Variants in UPB1 observed in about 807,000 individuals in gnomAD.
The protein encoded by UPB1 is beta-ureidopropionase 1, also known as beta-ureidopropionase.
A neutral mutation model predicts 49.1 loss-of-function variants in UPB1; 40 were observed. That is an observed-to-expected ratio of 0.81 (90% CI 0.63 to 1.06). The LOEUF is 1.06. Ranked by LOEUF, UPB1 falls within the 50% of genes least tolerant of loss-of-function variation. UPB1 has a pLI of 0.00. For missense variants in UPB1, 499 were observed against 505.9 expected, an observed-to-expected ratio of 0.99 and a Z score of 0.13; for synonymous variants, 207 against 198.2, an observed-to-expected ratio of 1.04 and a Z score of -0.38.
Position 24,520,460 on chromosome 22 carries a change from G to A in UPB1, c.865G>A (p.Val289Met). 3 of 1,613,888 alleles carry A rather than the reference G, an allele frequency of 1.9e-6. No individual in the cohort carries two copies. Among genetic ancestry groups the A allele is most frequent in the South Asian group, 1.1e-5 (1 of 91,050 alleles). ...NHCFTCAINR[V>M]GTEHFPNEFT... ...CTGCTTCACCTGCGCCATCAATCGA[G>A]TGGGCACCGTAAGTCCCGAGGTCTG... Residue 289 changes from valine to methionine, a missense_variant, in exon 7 of 10, where the codon GTG becomes ATG. Coordinates refer to ENST00000326010, the MANE Select transcript of UPB1 (RefSeq NM_016327.3).
At chr22:24,516,967 A>C (rs532441333) in intron 6 of UPB1, among the ~76,000 whole-genome samples, 1 of 152,054 alleles carries the variant, frequency 6.6e-6, no homozygotes, top group Non-Finnish European at 1.5e-5. Flanking sequence ...CTTGTGATCC[A>C]CCCACCTTGG....
In UPB1 at chr22:24,513,281, T is replaced by C. The variant is rs770965483; in HGVS notation, c.460-43T>C. On this transcript the variant is annotated intron_variant, in intron 4 of 9. Coordinates refer to ENST00000326010, the MANE Select transcript of UPB1 (RefSeq NM_016327.3). ...CTTCTTTGATAAAAAACTACAACAA[T>C]TGGTTTATAAGTGGGACTCTGCCAT... The C allele has an allele frequency of 8.7e-6, 14 of 1,613,692 alleles. No individual in the cohort carries two copies. The East Asian group carries it at 2.9e-4, about 33-fold the overall frequency.
intron 3 of UPB1, among the ~76,000 whole-genome samples, chr22:24,504,905 T>A (rs1397885906): frequency 2.1e-5 from 1 of 47,432 alleles, no homozygotes; most frequent in Non-Finnish European, 5.1e-5. Flanking sequence ...TTTTCTTGAA[T>A]TTTTTTTTTT....
At chr22:24,510,707 T>A (rs2044183078) in intron 3 of UPB1, 42 bp from the exon 4 acceptor site, 1 of 1,598,410 alleles carries the variant, frequency 6.3e-7, no homozygotes, top group Non-Finnish European at 8.6e-7. Flanking sequence ...CCTCAGAGGC[T>A]GTGCATGTTG....
chr22:24,504,848 C>T (rs1490119712), intron 3 of UPB1, among the ~76,000 whole-genome samples: 1 of 151,144 alleles, frequency 6.6e-6, no homozygotes, highest in Non-Finnish European at 1.5e-5. Context: ...CCGCCCCAGC[C>T]TCCTGAGTAG....
At chr22:24,507,401 G>A (rs1191394641) in intron 3 of UPB1, among the ~76,000 whole-genome samples, 1 of 152,088 alleles carries the variant, frequency 6.6e-6, no homozygotes, top group Non-Finnish European at 1.5e-5. Flanking sequence ...GATATTTACT[G>A]TGGTACTCTC....
intron 7 of UPB1, 56 bp from the exon 8 acceptor site, chr22:24,521,930 T>G: frequency 2.4e-4 from 385 of 1,578,116 alleles, no homozygotes; most frequent in Non-Finnish European, 3.1e-4. Flanking sequence ...TGAGCTGGAA[T>G]GAGTGTAGTG....
chr22:24,520,358 A>G (rs2044365793), intron 6 of UPB1, 29 bp from the exon 7 acceptor site: 1 of 1,613,456 alleles, frequency 6.2e-7, no homozygotes, highest in Non-Finnish European at 8.5e-7. Flanking sequence ...AAAGTCGGCA[A>G]CCTGGTTCCT....
intron 3 of UPB1, chr22:24,502,449 T>G (rs1364419944): frequency 1.3e-6 from 1 of 781,718 alleles, no homozygotes; most frequent in South Asian, 1.3e-5. Flanking sequence ...CCTCTCCATC[T>G]CTCTACCACC....
Position 24,526,044 on chromosome 22 carries a change from C to G in UPB1, c.*250C>G. On this transcript the variant is annotated 3_prime_UTR_variant, in exon 10 of 10. Transcript: ENST00000326010. ...TACTAAATGCCACTGAATTTGTATA[C>G]TTCAGAATGTTTGTTATGTAAATTT... The G allele has an allele frequency of 1.9e-6, 1 of 519,686 alleles. No individual in the cohort carries two copies. 32.2% of individuals were successfully genotyped at this position (519,686 alleles called of 1,614,324 possible).
chr22:24,504,819 C>T (rs1288870879), intron 3 of UPB1, among the ~76,000 whole-genome samples: 1 of 150,656 alleles, frequency 6.6e-6, no homozygotes, highest in Non-Finnish European at 1.5e-5. Flanking sequence ...CCTTGACCTC[C>T]CAGGATCAAG....
At chr22:24,521,782 C>G (rs1242645361) in intron 7 of UPB1, among the ~76,000 whole-genome samples, 1 of 152,236 alleles carries the variant, frequency 6.6e-6, no homozygotes, top group African/African-American at 2.4e-5. Context: ...AAATTCCCCT[C>G]TGGCCCAGGG....
intron 1 of UPB1, among the ~76,000 whole-genome samples, chr22:24,497,635 G>A (rs1456721141): frequency 3.3e-5 from 5 of 152,302 alleles, no homozygotes; most frequent in East Asian, 3.9e-4. Flanking sequence ...AGGGTGAGGG[G>A]TAGAGGGTCT....
At chr22:24,495,708 A>G (rs1018369589) in intron 1 of UPB1, among the ~76,000 whole-genome samples, 3 of 152,010 alleles carry the variant, frequency 2.0e-5, no homozygotes, top group African/African-American at 7.3e-5. Flanking sequence ...CGTGACCTTT[A>G]CAAATCTCTT....
chr22:24,496,282 G>T (rs558494078), intron 1 of UPB1, among the ~76,000 whole-genome samples: 49 of 152,002 alleles, frequency 3.2e-4, no homozygotes, highest in Middle Eastern at 6.8e-3. Context: ...GAGGCGGGAG[G>T]ATCACTTGAG....
intron 6 of UPB1, 39 bp downstream of exon 6, chr22:24,515,409 C>T (rs772522964): frequency 6.2e-7 from 1 of 1,613,614 alleles, no homozygotes; most frequent in Non-Finnish European, 8.5e-7. Flanking sequence ...TTCCTGGGGC[C>T]CAGCCAGCTA....
chr22:24,508,428 G>A (rs1200070540), intron 3 of UPB1, among the ~76,000 whole-genome samples: 3 of 151,900 alleles, frequency 2.0e-5, no homozygotes, highest in Admixed American at 6.6e-5. Flanking sequence ...ATGTGGTGGC[G>A]GGCACCTGTA....
At chr22:24,525,670 A>G (rs1486706579) in intron 9 of UPB1, 41 bp from the exon 10 acceptor site, 8 of 1,613,240 alleles carry the variant, frequency 5.0e-6, no homozygotes, top group Non-Finnish European at 6.8e-6. Flanking sequence ...GGGGATTTAT[A>G]AAACCAGAAC....
At chr22:24,517,050 G>T (rs188997761) in intron 6 of UPB1, among the ~76,000 whole-genome samples, 1 of 152,170 alleles carries the variant, frequency 6.6e-6, no homozygotes, top group Non-Finnish European at 1.5e-5. Flanking sequence ...TCTTCTAAAC[G>T]TCAGGGTGTG....
Sources: allele counts gnomAD v4.1 joint callset (sites outside exome capture counted in the v4.1 genomes callset), GRCh38; gene constraint gnomAD v4.1.1; transcripts MANE v1.5; gene names NCBI Gene and HGNC (gene_info 2026-07-23, HGNC 2026-07-21).